SNX1: variants seen among roughly 807,000 people sequenced by gnomAD.
SNX1 encodes the protein sorting nexin-1.
Under a neutral mutation model 71.8 loss-of-function variants are expected in SNX1, and 36 were observed. The ratio of observed to expected loss-of-function variants is 0.50; its 90% CI spans 0.38 to 0.66. SNX1 has a LOEUF of 0.66. SNX1 is among the 30% of genes least tolerant of loss of function. The pLI is 0.00. For synonymous variants in SNX1, 254 were observed against 240.7 expected (o/e 1.06, Z -0.51); for missense variants, 612 against 646.7 (o/e 0.95, Z 0.58).
At chr15:64,118,914 C>G (rs2081162113) in intron 4 of SNX1, 60 bp downstream of exon 4, 2 of 1,336,594 alleles carry the variant, frequency 1.5e-6, no homozygotes, top group Admixed American at 1.8e-5. Flanking sequence ...GCATAGGTAG[C>G]TAATTTCAGG....
rs920912732 is a variant in SNX1 at position 64,123,605 on chromosome 15, G to A, written c.510+59G>A. ...CATAGACTTTGGTGCTTATACCAAG[G>A]TCATCATTCAGATTATTTCTGGGTA... On this transcript the variant is annotated intron_variant, in intron 5 of 14. Coordinates refer to ENST00000559844, the MANE Select transcript of SNX1 (RefSeq NM_003099.5). 78 of 1,357,612 alleles carry A rather than the reference G, an allele frequency of 5.7e-5. No individual in the cohort carries two copies. In the Middle Eastern group the frequency reaches 7.2e-4, roughly 12 times the overall value. 84.1% of individuals were successfully genotyped at this position (1,357,612 alleles called of 1,614,324 possible). A position where few individuals can be genotyped will look rare whatever the true frequency, so the allele number is the denominator to read the frequency against.
chr15:64,096,072 G>T lies in SNX1; in HGVS notation c.59G>T (p.Gly20Val). 1 of 1,580,332 alleles carries T rather than the reference G, an allele frequency of 6.3e-7. No homozygotes were observed. The highest frequency in any genetic ancestry group is 8.6e-7 in the Non-Finnish European group (1 of 1,166,690). ...ASERLPPPFP[G>V]LEPESEGAAG... ...GAGAGACTGCCTCCGCCCTTCCCCG[G>T]CCTGGAGCCGGAGTCCGAGGGGGCG... Residue 20 changes from glycine (G) to valine (V), a missense_variant, in exon 1 of 15, where the codon GGC (glycine) becomes GTC (valine). Gly to Val is a moderately radical substitution (Grantham distance 109). Coordinates refer to ENST00000559844, the MANE Select transcript of SNX1 (RefSeq NM_003099.5).
At chr15:64,119,030 C>T (rs1217992168) in intron 4 of SNX1, among the ~76,000 whole-genome samples, 176 bp downstream of exon 4, 3 of 145,628 alleles carry the variant, frequency 2.1e-5, no homozygotes, top group Non-Finnish European at 4.4e-5. Context: ...ACTGCTGTTA[C>T]TCAATGCGTT....
At chr15:64,108,529 T>G (rs1002493666) in intron 1 of SNX1, among the ~76,000 whole-genome samples, 1 of 152,192 alleles carries the variant, frequency 6.6e-6, no homozygotes, top group Non-Finnish European at 1.5e-5. Flanking sequence ...GTGAGTCCAT[T>G]TCTTCTTTAA....
intron 12 of SNX1, among the ~76,000 whole-genome samples, chr15:64,135,264 C>T (rs1268172871): frequency 1.3e-5 from 2 of 151,590 alleles, no homozygotes; most frequent in Admixed American, 6.6e-5. Flanking sequence ...ACTACAGGCT[C>T]CTGCCACCAC....
chr15:64,097,561 A>G (rs1489404723), intron 1 of SNX1, among the ~76,000 whole-genome samples: 2 of 152,154 alleles, frequency 1.3e-5, no homozygotes, highest in Non-Finnish European at 2.9e-5. Context: ...TCCAGACCCT[A>G]TTCTCCTGCC....
At position 64,123,488 on chromosome 15, in the gene SNX1, C is replaced by G. The variant is rs2081216160; in HGVS notation, c.467-15C>G. Reference sequence around the variant, plus strand: ...GGTTTACAAGATAATCTTCTGCTTTCTTGTTCTCTCACAGGGGATGGTATG... The same window carrying G: ...GGTTTACAAGATAATCTTCTGCTTTGTTGTTCTCTCACAGGGGATGGTATG... On this transcript the variant is annotated splice_polypyrimidine_tract_variant and intron_variant, in intron 4 of 14. Transcript: ENST00000559844. The G allele has an allele frequency of 6.2e-7, 1 of 1,612,440 alleles. No homozygotes were observed. Among genetic ancestry groups the G allele is most frequent in the Non-Finnish European group, 8.5e-7 (1 of 1,178,716 alleles).
rs897976547 is a variant in SNX1, at chr15:64,142,250, C to G, written c.*4632C>G. ...CAGCTACGCGGGAACATCACCTGAG[C>G]CCAGGAGGTTGAGGTTGCAGTGAGC... On this transcript the variant is annotated 3_prime_UTR_variant, in exon 15 of 15. Transcript: ENST00000559844. 1 of 176,402 alleles carries G rather than the reference C, an allele frequency of 5.7e-6. No homozygotes were observed. The highest frequency in any genetic ancestry group is 1.2e-5 in the Non-Finnish European group (1 of 83,380). 10.9% of individuals were successfully genotyped at this position (176,402 alleles called of 1,614,324 possible).
chr15:64,118,181 A>C lies in SNX1; in HGVS notation c.336A>C (p.Thr112=). ...QNNQKKVLAK[T]LISLPPQEAT... is the part of the protein sequence containing the mutation. ...ATCAGAAGAAGGTGCTAGCCAAAAC[A>C]CTCATTTCTCTTCCTCCTCAGGAAG... The change falls in exon 3 of 15, where the codon ACA becomes ACC. Residue 112 remains threonine (T), a synonymous_variant. Coordinates refer to ENST00000559844, the MANE Select transcript of SNX1 (RefSeq NM_003099.5). 1.2e-6 allele frequency: 2 copies of C among 1,613,342 alleles called. No individual in the cohort carries two copies. Among genetic ancestry groups the C allele is most frequent in the Non-Finnish European group, 1.7e-6 (2 of 1,179,804 alleles).
rs1196397183 is a variant in SNX1 at position 64,136,429 on chromosome 15, C to G, written c.1446+19C>G. The G allele has an allele frequency of 1.3e-6, 2 of 1,597,968 alleles. No homozygotes were observed. Among genetic ancestry groups the G allele is most frequent in the Non-Finnish European group, 1.7e-6 (2 of 1,165,256 alleles). Reference sequence around the variant, plus strand: ...GTTTGAGGTGAGATAGAAAATCCTACTTCTCACTTAGCATGCAGTGCTTGT... The same window carrying G: ...GTTTGAGGTGAGATAGAAAATCCTAGTTCTCACTTAGCATGCAGTGCTTGT... On this transcript the variant is annotated intron_variant, in intron 13 of 14. Transcript: ENST00000559844.
intron 4 of SNX1, among the ~76,000 whole-genome samples, chr15:64,121,194 C>T (rs984391179): frequency 6.6e-6 from 1 of 152,184 alleles, no homozygotes; most frequent in Non-Finnish European, 1.5e-5. Flanking sequence ...GATGTCTGAA[C>T]CAGGAGAGGG....
At chr15:64,126,577 TTTTG>T (rs988239470) in intron 6 of SNX1, among the ~76,000 whole-genome samples, 9 of 152,088 alleles carry the variant, frequency 5.9e-5, no homozygotes, top group East Asian at 3.9e-4. Flanking sequence ...GTTTTTTGGT[TTTTG>T]TTTGTTTGTT....
Position 64,109,830 on chromosome 15 carries a change from C to T in SNX1, c.160-2743C>T, listed in dbSNP as rs367984945. Among the ~76,000 whole-genome samples, 11 of 152,130 alleles carry T rather than the reference C, an allele frequency of 7.2e-5. No individual in the cohort carries two copies. The East Asian group carries it at 7.7e-4, about 11-fold the overall frequency. ...GGATTACAGATGTGAGCAACTGCAC[C>T]CAGCGCAAAGATTTTTTAAAAGAAT... is the stretch of plus-strand genomic sequence containing the variant. On this transcript the variant is annotated intron_variant, in intron 1 of 14. Coordinates refer to ENST00000559844, the MANE Select transcript of SNX1 (RefSeq NM_003099.5).
chr15:64,112,695 A>G lies in SNX1; in HGVS notation c.271+11A>G, dbSNP rs2081089415. 1 of 1,576,692 alleles carries G rather than the reference A, an allele frequency of 6.3e-7. No homozygotes were observed. The highest frequency in any genetic ancestry group is 1.7e-5 in the Admixed American group (1 of 58,652). On this transcript the variant is annotated intron_variant, in intron 2 of 14. Transcript: ENST00000559844. ...AGGATCTCTTTGCAGGCAAGTTTGG[A>G]CTCAAAAGTTACTCTAGGAACCTCC...
chr15:64,113,041 T>C (rs1434134259), intron 2 of SNX1, among the ~76,000 whole-genome samples: 3 of 152,178 alleles, frequency 2.0e-5, no homozygotes, highest in Non-Finnish European at 2.9e-5. Flanking sequence ...GGAGTAAGAA[T>C]TGCATTTGGT....
At position 64,142,405 on chromosome 15, in the gene SNX1, T is replaced by A. The variant is rs1439764272; in HGVS notation, c.*4787T>A. Reference sequence around the variant, plus strand: ...GAGATAGAGTTAAAGGAGGCTTTGTTTTATTTAAAGGTGGGACAAACTTAA... The same window carrying A: ...GAGATAGAGTTAAAGGAGGCTTTGTATTATTTAAAGGTGGGACAAACTTAA... On this transcript the variant is annotated 3_prime_UTR_variant, in exon 15 of 15. Coordinates refer to ENST00000559844, the MANE Select transcript of SNX1 (RefSeq NM_003099.5). 3.5e-6 allele frequency: 1 copy of A among 289,522 alleles called. No homozygotes were observed. Among genetic ancestry groups the A allele is most frequent in the Non-Finnish European group, 6.9e-6 (1 of 145,080 alleles). The allele number at this position is 289,522 out of a possible 1,614,324, so 17.9% of individuals were successfully genotyped here.
chr15:64,109,785 C>G (rs1400667541), intron 1 of SNX1, among the ~76,000 whole-genome samples: 1 of 152,142 alleles, frequency 6.6e-6, no homozygotes, highest in Non-Finnish European at 1.5e-5. Flanking sequence ...GTCTGCCCAC[C>G]TCTGTCTCCC....
intron 5 of SNX1, among the ~76,000 whole-genome samples, chr15:64,125,272 G>A (rs1312874563): frequency 6.6e-6 from 1 of 151,942 alleles, no homozygotes; most frequent in African/African-American, 2.4e-5. Context: ...AGAGCAGCCC[G>A]GCCAACATGG....
chr15:64,140,563 A>AT lies in SNX1; in HGVS notation c.*2948dup, dbSNP rs533975732. On this transcript the variant is annotated 3_prime_UTR_variant, in exon 15 of 15. Transcript: ENST00000559844. The stretch of plus-strand genomic sequence containing the variant: ...TTCCTTATAATGGAGAATGGTATTT[A>AT]TTTATTTTTATTTGATTTGATTATT... The AT allele has an allele frequency of 1.3e-5, 2 of 152,020 alleles. No homozygotes were observed. The highest frequency in any genetic ancestry group is 6.5e-5 in the Admixed American group (1 of 15,272). 9.4% of individuals were successfully genotyped at this position (152,020 alleles called of 1,614,324 possible).
Sources: gnomAD v4.1 joint callset for allele counts (sites outside exome capture counted in the v4.1 genomes callset) on GRCh38, gnomAD v4.1.1 for gene constraint, MANE v1.5 for transcripts, NCBI Gene and HGNC (gene_info 2026-07-23, HGNC 2026-07-21) for gene names.